The following SETD5 variants were observed in gnomAD, a reference collection of about 807,000 sequenced individuals.
SETD5 encodes histone-lysine N-methyltransferase SETD5.
In SETD5, 44 loss-of-function variants were observed where a neutral mutation model predicts 153.3. That is an observed-to-expected ratio of 0.29 (90% confidence interval 0.23 to 0.37). The LOEUF is 0.37. SETD5 is among the 10% of genes least tolerant of loss of function. The probability of loss-of-function intolerance (pLI) is 1.00; values close to 1 mark genes in which losing one functional copy is unlikely to be tolerated. For missense variants in SETD5, 1,544 were observed against 1,768.0 expected, an observed-to-expected ratio of 0.87 and a Z score of 2.27; for synonymous variants, 716 against 645.2, an observed-to-expected ratio of 1.11 and a Z score of -1.66.
intron 16 of SETD5, among the ~76,000 whole-genome samples, chr3:9,448,958 G>A (rs939105013): frequency 5.3e-5 from 8 of 152,188 alleles, no homozygotes; most frequent in African/African-American, 1.9e-4. Flanking sequence ...GTGTGCTCTT[G>A]TGATATGGGT....
intron 3 of SETD5, chr3:9,430,387 G>T (rs2039818822): frequency 2.1e-6 from 2 of 970,724 alleles, no homozygotes; most frequent in African/African-American, 3.5e-5. Context: ...AGGGTTGGGG[G>T]TGGGGAAGGG....
In SETD5 at chr3:9,470,608, C is replaced by A; in HGVS notation, c.2874C>A (p.Phe958Leu). ...TCGGACCCACTTCTGAGACTGGTTTCCCAAGCAGAAGTGGAGATGGACATC... is the reference window on the plus strand; with the variant it reads ...TCGGACCCACTTCTGAGACTGGTTTACCAAGCAGAAGTGGAGATGGACATC... Reference protein sequence around the residue: ...PSLGPTSETGFPSRSGDGHQT... With the variant: ...PSLGPTSETGLPSRSGDGHQT... The change falls in exon 19 of 23, where the codon TTC becomes TTA. Residue 958 changes from phenylalanine (F) to leucine (L), a missense_variant. Transcript: ENST00000402198. 6.2e-7 allele frequency: 1 copy of A among 1,614,004 alleles called. No individual in the cohort carries two copies. Among genetic ancestry groups the A allele is most frequent in the Non-Finnish European group, 8.5e-7 (1 of 1,179,890 alleles).
chr3:9,444,904 A>G, intron 11 of SETD5, 144 bp from the exon 12 acceptor site: 3 of 1,092,022 alleles, frequency 2.7e-6, no homozygotes, highest in African/African-American at 1.6e-5. Context: ...AAGTATTTAT[A>G]GGACTCTCTA....
chr3:9,445,753 T>A lies in SETD5; in HGVS notation c.1524+13T>A. 1 of 1,583,816 alleles carries A rather than the reference T, an allele frequency of 6.3e-7. No homozygotes were observed. Among genetic ancestry groups the A allele is most frequent in the Non-Finnish European group, 8.6e-7 (1 of 1,162,948 alleles). ...TCATAGCAGGAGGGTGAGTACTGTC[T>A]GACATTACTTTGCTCCTTCTCATTC... On this transcript the variant is annotated intron_variant, in intron 13 of 22. Transcript: ENST00000402198.
At chr3:9,425,748 G>T (rs913898791) in intron 2 of SETD5, among the ~76,000 whole-genome samples, 1 of 151,776 alleles carries the variant, frequency 6.6e-6, no homozygotes, top group South Asian at 2.1e-4. Context: ...GCTAATTTTT[G>T]TATTTTTAGT....
At chr3:9,469,889 AAGTG>A (rs2045098807) in intron 18 of SETD5, among the ~76,000 whole-genome samples, 1 of 152,168 alleles carries the variant, frequency 6.6e-6, no homozygotes, top group South Asian at 2.1e-4. Flanking sequence ...TTAACAGTGA[AAGTG>A]AGTGAAGAAC....
Position 9,435,719 on chromosome 3 carries a change from A to G in SETD5, c.389-9A>G, listed in dbSNP as rs375667425. On this transcript the variant is annotated splice_polypyrimidine_tract_variant and intron_variant, in intron 6 of 22. Transcript: ENST00000402198. ...TTAGTACCTGAACTATGAAATCATCATTTTTCAGGTGGGGATAGCAGTGCA... is the reference window on the plus strand; with the variant it reads ...TTAGTACCTGAACTATGAAATCATCGTTTTTCAGGTGGGGATAGCAGTGCA... The G allele has an allele frequency of 5.8e-6, 9 of 1,561,372 alleles. No homozygotes were observed. The highest frequency in any genetic ancestry group is 5.5e-5 in the African/African-American group (4 of 72,736).
chr3:9,401,976 A>C (rs2034852786), intron 1 of SETD5, among the ~76,000 whole-genome samples: 1 of 152,214 alleles, frequency 6.6e-6, no homozygotes, highest in Admixed American at 6.5e-5. Flanking sequence ...AAAGTAATGT[A>C]GTGTACCCGT....
rs2045771629 is a variant in SETD5 at position 9,475,545 on chromosome 3, C to A, written c.3783C>A (p.Pro1261=). 2 of 1,613,914 alleles carry A rather than the reference C, an allele frequency of 1.2e-6. No individual in the cohort carries two copies. The highest frequency in any genetic ancestry group is 1.7e-6 in the Non-Finnish European group (2 of 1,179,856). ...GCCTCCTTCAGCAGAGTTCCTCCCC[C>A]TTCAGAGGACATCCTACACAGTCTC... The part of the protein sequence containing the change: ...SQSLLQQSSS[P]FRGHPTQSPG... The change falls in exon 23 of 23, where the codon CCC becomes CCA. Residue 1261 remains proline (P), a synonymous_variant. Transcript: ENST00000402198.
intron 3 of SETD5, chr3:9,430,694 G>T: frequency 2.5e-6 from 1 of 394,662 alleles, no homozygotes; most frequent in Non-Finnish European, 3.4e-6. Context: ...AAACCAATAC[G>T]TTTGGAATTG....
In SETD5 at chr3:9,477,790, T is replaced by C. The variant is rs1381574527; in HGVS notation, c.*1699T>C. ...GGGAGAGCATTGGGAGTGGAAATCA[T>C]GTTGCCTGGGATGCTGGTTTCTTTG... On this transcript the variant is annotated 3_prime_UTR_variant, in exon 23 of 23. Transcript: ENST00000402198. The C allele has an allele frequency of 1.3e-5, 2 of 152,142 alleles. No individual in the cohort carries two copies. Among genetic ancestry groups the C allele is most frequent in the Non-Finnish European group, 2.9e-5 (2 of 67,958 alleles). 9.4% of individuals were successfully genotyped at this position (152,142 alleles called of 1,614,324 possible). A position where few individuals can be genotyped will look rare whatever the true frequency, so the allele number is the denominator to read the frequency against.
chr3:9,465,016 T>C (rs1300946770), intron 18 of SETD5: 2 of 319,188 alleles, frequency 6.3e-6, no homozygotes, highest in African/African-American at 4.3e-5. Flanking sequence ...CTGCCTGTAG[T>C]ATCTGTTAGT....
At chr3:9,399,892 G>C (rs1487598368) in intron 1 of SETD5, among the ~76,000 whole-genome samples, 1 of 144,676 alleles carries the variant, frequency 6.9e-6, no homozygotes, top group Non-Finnish European at 1.6e-5. Flanking sequence ...TGTTCCTTTG[G>C]GTTGGATCAC....
At chr3:9,439,144 C>G (rs1399594083) in intron 7 of SETD5, among the ~76,000 whole-genome samples, 3 of 152,170 alleles carry the variant, frequency 2.0e-5, no homozygotes, top group Non-Finnish European at 2.9e-5. Context: ...CTCCATTAAG[C>G]CTAAGGTTTT....
chr3:9,433,249 C>A, intron 3 of SETD5: 1 of 578,554 alleles, frequency 1.7e-6, no homozygotes, highest in Non-Finnish European at 2.7e-6. Context: ...CCTTAATATG[C>A]TTGCATGTCA....
In SETD5 at chr3:9,448,137, C is replaced by A. The variant is rs979621098; in HGVS notation, c.2103+131C>A. 4.1e-6 allele frequency: 5 copies of A among 1,205,384 alleles called. No homozygotes were observed. The African/African-American group carries it at 7.7e-5, about 19-fold the overall frequency. 74.7% of individuals were successfully genotyped at this position (1,205,384 alleles called of 1,614,324 possible). ...TTGAAAGTTCTAAAATGCTTTGACA[C>A]AAAAGGCTGGAGTCATCCTGCTACC... On this transcript the variant is annotated intron_variant, in intron 15 of 22. Coordinates refer to ENST00000402198, the MANE Select transcript of SETD5 (RefSeq NM_001080517.3).
Position 9,397,681 on chromosome 3 carries a change from CGCCGCT to C in SETD5, c.-468_-463del, listed in dbSNP as rs1209141555. ...CCGCCGCCGCCGCCGCCGCCGCCGC[CGCCGCT>C]GCCGGGGGAGGGGCGGCCGCCGCCC... On this transcript the variant is annotated 5_prime_UTR_variant, in exon 1 of 23. Coordinates refer to ENST00000402198, the MANE Select transcript of SETD5 (RefSeq NM_001080517.3). 5 of 178,822 alleles carry C rather than the reference CGCCGCT, an allele frequency of 2.8e-5. No homozygotes were observed. Among genetic ancestry groups the C allele is most frequent in the Non-Finnish European group, 4.4e-5 (4 of 91,088 alleles). 11.1% of individuals were successfully genotyped at this position (178,822 alleles called of 1,614,324 possible). A position where few individuals can be genotyped will look rare whatever the true frequency, so the allele number is the denominator to read the frequency against.
At chr3:9,422,897 A>G (rs2038617298) in intron 1 of SETD5, among the ~76,000 whole-genome samples, 1 of 152,226 alleles carries the variant, frequency 6.6e-6, no homozygotes, top group Non-Finnish European at 1.5e-5. Flanking sequence ...CAAGGTCCAC[A>G]GCCTCAATAC....
chr3:9,399,418 A>G (rs2034363165), intron 1 of SETD5, among the ~76,000 whole-genome samples: 1 of 152,122 alleles, frequency 6.6e-6, no homozygotes, highest in African/African-American at 2.4e-5. Context: ...TGGGCTCCAT[A>G]GAGGACGTAG....
Sources: allele counts gnomAD v4.1 joint callset (sites outside exome capture counted in the v4.1 genomes callset), GRCh38; gene constraint gnomAD v4.1.1; transcripts MANE v1.5; gene names NCBI Gene and HGNC (gene_info 2026-07-23, HGNC 2026-07-21).